ADAMTS6: variants seen among roughly 807,000 people sequenced by gnomAD.
ADAMTS6 encodes the protein ADAM metallopeptidase with thrombospondin type 1 motif 6.
Under a neutral mutation model 144.3 loss-of-function variants are expected in ADAMTS6, and 23 were observed. The observed-to-expected ratio is 0.16, with a 90% CI of 0.11 to 0.23. The LOEUF is 0.23. ADAMTS6 is among the 10% of genes least tolerant of loss of function. The probability of loss-of-function intolerance (pLI) is 1.00; values close to 1 mark genes in which losing one functional copy is unlikely to be tolerated. For synonymous variants in ADAMTS6, 444 were observed against 457.5 expected (o/e 0.97, Z 0.38); for missense variants, 999 against 1,379.6 (o/e 0.72, Z 4.37).
At chr5:65,232,463 T>C (rs1027783211) in intron 15 of ADAMTS6, among the ~76,000 whole-genome samples, 2 of 151,804 alleles carry the variant, frequency 1.3e-5, no homozygotes, top group South Asian at 4.1e-4. Flanking sequence ...CCTTTAGCTA[T>C]ACTAGGAGAG....
chr5:65,389,458 T>A (rs1752735078), intron 7 of ADAMTS6, among the ~76,000 whole-genome samples: 1 of 152,208 alleles, frequency 6.6e-6, no homozygotes, highest in Non-Finnish European at 1.5e-5. Flanking sequence ...TTATTATGAC[T>A]TTATAATTCT....
chr5:65,459,748 C>T (rs1465091723), intron 4 of ADAMTS6, among the ~76,000 whole-genome samples: 2 of 152,110 alleles, frequency 1.3e-5, no homozygotes, highest in Non-Finnish European at 1.5e-5. Flanking sequence ...CTATAGTATC[C>T]TCGCTCAGTG....
chr5:65,415,559 C>A, intron 7 of ADAMTS6: 1 of 369,872 alleles, frequency 2.7e-6, no homozygotes, highest in Non-Finnish European at 5.4e-6. Flanking sequence ...TAGTCAAGGA[C>A]ATGAAGATGA....
chr5:65,288,286 T>TTTTTTTC (rs1042283349), intron 11 of ADAMTS6, among the ~76,000 whole-genome samples: 433 of 151,014 alleles, frequency 2.9e-3, no homozygotes, highest in African/African-American at 0.01. Context: ...GGTAGTTCTT[T>TTTTTTTC]TTTTTTCTTT....
intron 7 of ADAMTS6, among the ~76,000 whole-genome samples, chr5:65,362,566 G>A (rs1749927667): frequency 6.6e-6 from 1 of 152,116 alleles, no homozygotes; most frequent in South Asian, 2.1e-4. Flanking sequence ...AGTAAACACT[G>A]CTCATAATCA....
intron 15 of ADAMTS6, among the ~76,000 whole-genome samples, chr5:65,228,659 C>T (rs1488672464): frequency 1.3e-5 from 2 of 152,192 alleles, no homozygotes; most frequent in Non-Finnish European, 2.9e-5. Flanking sequence ...TGTATCACAC[C>T]TCCCTCAAGG....
chr5:65,316,253 A>G (rs1744987464), intron 9 of ADAMTS6, among the ~76,000 whole-genome samples: 1 of 152,148 alleles, frequency 6.6e-6, no homozygotes, highest in African/African-American at 2.4e-5. Context: ...TAATTGATAG[A>G]TCAATCTTAA....
At chr5:65,357,514 C>A (rs1749429088) in intron 7 of ADAMTS6, among the ~76,000 whole-genome samples, 1 of 150,924 alleles carries the variant, frequency 6.6e-6, no homozygotes, top group Non-Finnish European at 1.5e-5. Flanking sequence ...AAGCAAAATA[C>A]ATGAAATAGA....
chr5:65,233,360 T>A (rs966197303), intron 15 of ADAMTS6, among the ~76,000 whole-genome samples: 1 of 151,534 alleles, frequency 6.6e-6, no homozygotes, highest in Non-Finnish European at 1.5e-5. Context: ...GAAAAAGAAA[T>A]AAAAGGCATG....
At chr5:65,302,105 A>T (rs1222019194) in intron 9 of ADAMTS6, among the ~76,000 whole-genome samples, 7 of 49,658 alleles carry the variant, frequency 1.4e-4, no homozygotes, top group East Asian at 1.1e-3. Flanking sequence ...AAAAAAAAAA[A>T]AAATATATAT....
intron 15 of ADAMTS6, among the ~76,000 whole-genome samples, chr5:65,236,250 A>G (rs1381426189): frequency 1.3e-5 from 2 of 152,222 alleles, no homozygotes; most frequent in African/African-American, 4.8e-5. Flanking sequence ...TGCAGAAAAC[A>G]TTACTTTCCA....
At chr5:65,450,559 CTTA>C (rs1225822432) in intron 7 of ADAMTS6, among the ~76,000 whole-genome samples, 4 of 152,072 alleles carry the variant, frequency 2.6e-5, no homozygotes, top group African/African-American at 9.7e-5. Flanking sequence ...TTCCATTTTG[CTTA>C]TTGTTTATTG....
chr5:65,170,961 C>G (rs1486133827), intron 23 of ADAMTS6, among the ~76,000 whole-genome samples, 188 bp from the exon 24 acceptor site: 2 of 152,012 alleles, frequency 1.3e-5, no homozygotes, highest in African/African-American at 4.8e-5. Context: ...GCCTTGGCCT[C>G]CCAAAGTGCT....
chr5:65,439,006 T>C (rs1004330161), intron 7 of ADAMTS6, among the ~76,000 whole-genome samples: 1 of 152,086 alleles, frequency 6.6e-6, no homozygotes, highest in Non-Finnish European at 1.5e-5. Flanking sequence ...GGTGGTAAAA[T>C]ATAAAGCAGA....
At chr5:65,352,440 C>T (rs1432942766) in intron 7 of ADAMTS6, among the ~76,000 whole-genome samples, 1 of 152,086 alleles carries the variant, frequency 6.6e-6, no homozygotes, top group Non-Finnish European at 1.5e-5. Context: ...TTTGGCTAAG[C>T]TACTCAACTA....
chr5:65,317,554 A>T (rs1356940071), intron 9 of ADAMTS6, among the ~76,000 whole-genome samples: 1 of 152,232 alleles, frequency 6.6e-6, no homozygotes, highest in Admixed American at 6.5e-5. Flanking sequence ...AAAAATGGAC[A>T]AATGGGATCA....
intron 7 of ADAMTS6, among the ~76,000 whole-genome samples, chr5:65,376,150 T>G (rs1287676007): frequency 6.6e-6 from 1 of 152,092 alleles, no homozygotes; most frequent in Non-Finnish European, 1.5e-5. Flanking sequence ...TTGGGAGATG[T>G]ACCTAATGCT....
chr5:65,365,530 TCA>T (rs1750225118), intron 7 of ADAMTS6, among the ~76,000 whole-genome samples: 1 of 151,578 alleles, frequency 6.6e-6, no homozygotes, highest in African/African-American at 2.4e-5. Flanking sequence ...GCCTGTAATC[TCA>T]GTTACTTGGG....
At chr5:65,234,367 A>G (rs906502969) in intron 15 of ADAMTS6, among the ~76,000 whole-genome samples, 2 of 151,460 alleles carry the variant, frequency 1.3e-5, no homozygotes, top group Non-Finnish European at 2.9e-5. Context: ...AGGAGAAAAT[A>G]CCCAAAACAT....
Sources: allele counts gnomAD v4.1 joint callset (sites outside exome capture counted in the v4.1 genomes callset), GRCh38; gene constraint gnomAD v4.1.1; transcripts MANE v1.5; gene names NCBI Gene and HGNC (gene_info 2026-07-23, HGNC 2026-07-21).